BRPF3: variants seen among roughly 807,000 people sequenced by gnomAD.
BRPF3 encodes bromodomain and PHD finger-containing protein 3.
BRPF3 carries 18 observed loss-of-function variants against 102.0 expected under a neutral mutation model. That is an observed-to-expected ratio of 0.18 (90% CI 0.12 to 0.26). The LOEUF (loss-of-function observed/expected upper bound fraction) is 0.26, where lower values mean the gene tolerates loss of function less well. BRPF3 is among the 10% of genes least tolerant of loss of function. The probability of loss-of-function intolerance (pLI) is 1.00; values close to 1 mark genes in which losing one functional copy is unlikely to be tolerated. For missense variants in BRPF3, 1,147 were observed against 1,567.8 expected (o/e 0.73, Z 4.53); for synonymous variants, 570 against 614.2 (o/e 0.93, Z 1.06).
intron 9 of BRPF3, 135 bp from the exon 10 acceptor site, chr6:36,222,033 A>G (rs1207164255): frequency 5.1e-6 from 4 of 780,030 alleles, no homozygotes; most frequent in Non-Finnish European, 8.3e-6. Flanking sequence ...TTTTTAGGGG[A>G]AGGTGAGAAA....
rs948959629 is a variant in BRPF3 at position 36,224,567 on chromosome 6, A to G, written c.3182-700A>G. Among the ~76,000 whole-genome samples, 8 of 152,334 alleles carry G rather than the reference A, an allele frequency of 5.3e-5. 1 individual carries two copies. The highest frequency in any genetic ancestry group is 1.9e-4 in the East Asian group (1 of 5,192). On this transcript the variant is annotated intron_variant, in intron 10 of 12. Coordinates refer to ENST00000357641, the MANE Select transcript of BRPF3 (RefSeq NM_015695.3). Reference sequence around the variant, plus strand: ...CTAGATGGCTAGGTGTGACCCTGTCAGAAAATAACTCAGTTAGCAAGTAAT... The same window carrying G: ...CTAGATGGCTAGGTGTGACCCTGTCGGAAAATAACTCAGTTAGCAAGTAAT...
intron 9 of BRPF3, 39 bp from the exon 10 acceptor site, chr6:36,222,129 A>G: frequency 1.3e-6 from 2 of 1,543,730 alleles, no homozygotes. Context: ...AGTCATTGAA[A>G]TTGCTCATTT....
chr6:36,226,468 A>G (rs1316260722), intron 11 of BRPF3, among the ~76,000 whole-genome samples: 2 of 152,196 alleles, frequency 1.3e-5, no homozygotes, highest in African/African-American at 4.8e-5. Context: ...GGAAATTTTT[A>G]AAACAATACC....
chr6:36,225,406 T>C (rs1768701281), intron 11 of BRPF3, 42 bp downstream of exon 11: 3 of 1,533,252 alleles, frequency 2.0e-6, no homozygotes, highest in Non-Finnish European at 2.7e-6. Context: ...TCCCCTGCCT[T>C]GCCTTGGGGG....
intron 9 of BRPF3, 46 bp downstream of exon 9, chr6:36,218,056 C>T: frequency 2.0e-6 from 3 of 1,508,880 alleles, no homozygotes; most frequent in Non-Finnish European, 2.7e-6. Context: ...TGCTACCCCT[C>T]CTTTTACTCT....
At position 36,210,518 on chromosome 6, in the gene BRPF3, C is replaced by T. The variant is rs1247376685; in HGVS notation, c.2169C>T (p.Ser723=). The T allele has an allele frequency of 1.9e-6, 3 of 1,589,908 alleles. No homozygotes were observed. In the Admixed American group the frequency reaches 5.1e-5, roughly 27 times the overall value. The part of the protein sequence containing the change: ...SPKLEDFYRF[S]WEDVDNILIP... ...AATTGGAAGACTTTTACCGCTTCTCCTGGGAAGACGGTGAGAGGCCTGGAT... is the reference window on the plus strand; with the variant it reads ...AATTGGAAGACTTTTACCGCTTCTCTTGGGAAGACGGTGAGAGGCCTGGAT... Residue 723 remains serine (S), a synonymous_variant, in exon 6 of 13, where the codon TCC becomes TCT. Transcript: ENST00000357641. The surrounding 1 kb of genome is among the most constrained non-coding windows in gnomAD (Gnocchi z 4.7).
In BRPF3 at chr6:36,213,874, T is replaced by C. The variant is rs1768221212; in HGVS notation, c.2483-6T>C. ...TGTTCAAGCAGATTCTCTTTTTTTC[T>C]AATAGATGACTCCAAACTGCCTCCT... On this transcript the variant is annotated splice_polypyrimidine_tract_variant and splice_region_variant and intron_variant, in intron 7 of 12. Coordinates refer to ENST00000357641, the MANE Select transcript of BRPF3 (RefSeq NM_015695.3). The C allele has an allele frequency of 6.3e-7, 1 of 1,578,270 alleles. No homozygotes were observed. The highest frequency in any genetic ancestry group is 1.4e-5 in the African/African-American group (1 of 72,904).
chr6:36,217,442 C>G (rs1277258602), intron 8 of BRPF3, among the ~76,000 whole-genome samples: 1 of 152,206 alleles, frequency 6.6e-6, no homozygotes, highest in African/African-American at 2.4e-5. Flanking sequence ...CCCAAAGAAT[C>G]AAACTAGCTG....
At chr6:36,221,158 G>A (rs1438370299) in intron 9 of BRPF3, among the ~76,000 whole-genome samples, 2 of 152,090 alleles carry the variant, frequency 1.3e-5, no homozygotes, top group African/African-American at 4.8e-5. Flanking sequence ...GATGATGCCC[G>A]GGTGGGCTTC....
chr6:36,197,659 CTG>C (rs752023437), intron 1 of BRPF3: 7 of 79,460 alleles, frequency 8.8e-5, no homozygotes, highest in East Asian at 8.7e-4. Flanking sequence ...GAGGGGAAAT[CTG>C]GGGGGGCGGG....
At chr6:36,224,387 C>A (rs1015381891) in intron 10 of BRPF3, among the ~76,000 whole-genome samples, 4 of 151,954 alleles carry the variant, frequency 2.6e-5, no homozygotes, top group African/African-American at 9.7e-5. Context: ...GTGAAGCACT[C>A]ATTCACATGT....
intron 11 of BRPF3, among the ~76,000 whole-genome samples, chr6:36,226,243 C>G (rs1361468875): frequency 1.3e-5 from 2 of 152,224 alleles, no homozygotes; most frequent in African/African-American, 4.8e-5. Context: ...AATTCTGATA[C>G]AAGTTGCCAA....
chr6:36,209,961 A>G, intron 5 of BRPF3, 46 bp downstream of exon 5: 1 of 1,609,020 alleles, frequency 6.2e-7, no homozygotes, highest in Non-Finnish European at 8.5e-7. Context: ...CTTGAACTGG[A>G]ACAGGGTCTG....
chr6:36,201,629 G>C lies in BRPF3; in HGVS notation c.1307G>C (p.Gly436Ala), dbSNP rs748052118. Residue 436 changes from glycine to alanine, a missense_variant, in exon 2 of 13, where the codon GGG becomes GCG. Physicochemically the swap from Gly to Ala is moderately conservative, Grantham distance 60 (BLOSUM62 0). Transcript: ENST00000357641. The surrounding 1 kb of genome is among the most constrained non-coding windows in gnomAD (Gnocchi z 5.1). ...VEEEEQEAQG[G>A]VSGSLKGVPK... ...GAAGAAGAGCAGGAAGCTCAAGGCG[G>C]GGTGAGTGGCTCCCTCAAGGGAGTG... 1.9e-6 allele frequency: 3 copies of C among 1,614,044 alleles called. No individual in the cohort carries two copies. In the African/African-American group the frequency reaches 4.0e-5, roughly 22 times the overall value.
chr6:36,216,292 AG>A (rs1340375249), intron 8 of BRPF3, among the ~76,000 whole-genome samples: 2 of 152,212 alleles, frequency 1.3e-5, no homozygotes, highest in African/African-American at 4.8e-5. Context: ...AATCAGGCTT[AG>A]CCATACAGTG....
chr6:36,213,891 C>T lies in BRPF3; in HGVS notation c.2494C>T (p.Leu832=). ...EDDGDRDDSK[L]PPPPTLEPTG... is the part of the protein sequence containing the mutation. ...TTTTTTTCTAATAGATGACTCCAAA[C>T]TGCCTCCTCCGCCAACCCTGGAGCC... Residue 832 remains leucine (L), a synonymous_variant, in exon 8 of 13, where the codon CTG becomes TTG. Transcript: ENST00000357641. 1 of 1,599,674 alleles carries T rather than the reference C, an allele frequency of 6.3e-7. No homozygotes were observed. The highest frequency in any genetic ancestry group is 8.5e-7 in the Non-Finnish European group (1 of 1,172,614).
intron 10 of BRPF3, among the ~76,000 whole-genome samples, chr6:36,223,554 C>T (rs1312525308): frequency 6.6e-6 from 1 of 152,176 alleles, no homozygotes; most frequent in African/African-American, 2.4e-5. Context: ...TTATTTCAGG[C>T]ACATTTTTAA....
chr6:36,225,487 G>T (rs1221518449), intron 11 of BRPF3, 123 bp downstream of exon 11: 1 of 848,466 alleles, frequency 1.2e-6, no homozygotes, highest in Non-Finnish European at 1.8e-6. Context: ...AGGGGAGGGG[G>T]GTTTTGCCCC....
chr6:36,231,809 G>A lies in BRPF3; in HGVS notation c.*1200G>A, dbSNP rs79996435. On this transcript the variant is annotated 3_prime_UTR_variant, in exon 13 of 13. Coordinates refer to ENST00000357641, the MANE Select transcript of BRPF3 (RefSeq NM_015695.3). ...CACCTTCACCTTCTCAAAAATGGAA[G>A]GAAAAAAAAACTGTGAATGGGGAAT... 0.015 allele frequency: 2,285 copies of A among 152,326 alleles called. 21 individuals are homozygous for A. The highest frequency in any genetic ancestry group is 0.026 in the Non-Finnish European group (1,732 of 67,920). 9.4% of individuals were successfully genotyped at this position (152,326 alleles called of 1,614,324 possible).
Sources: allele counts gnomAD v4.1 joint callset (sites outside exome capture counted in the v4.1 genomes callset), GRCh38; gene constraint gnomAD v4.1.1; non-coding constraint Gnocchi (gnomAD v3.1); transcripts MANE v1.5; gene names NCBI Gene and HGNC (gene_info 2026-07-23, HGNC 2026-07-21).